Variants in OLFM2 observed in about 807,000 individuals in gnomAD.
The protein encoded by OLFM2 is olfactomedin 2.
In OLFM2, 20 loss-of-function variants were observed where a neutral mutation model predicts 43.9. That is an observed-to-expected ratio of 0.46 (90% CI 0.32 to 0.66). The LOEUF (loss-of-function observed/expected upper bound fraction) is 0.66. OLFM2 is among the 30% of genes least tolerant of loss of function. The pLI, the probability that OLFM2 is intolerant of heterozygous loss-of-function variation, is 0.04. For synonymous variants in OLFM2, 268 were observed against 278.6 expected (o/e 0.96, Z 0.38); for missense variants, 416 against 643.6 (o/e 0.65, Z 3.83).
At chr19:9,917,684 G>A (rs2086393085) in intron 1 of OLFM2, among the ~76,000 whole-genome samples, 1 of 152,056 alleles carries the variant, frequency 6.6e-6, no homozygotes, top group African/African-American at 2.4e-5. Context: ...ATCATCCCAT[G>A]TGGCTTCTCA....
chr19:9,865,845 A>G (rs2046398457), intron 1 of OLFM2, among the ~76,000 whole-genome samples: 1 of 150,876 alleles, frequency 6.6e-6, no homozygotes, highest in East Asian at 1.9e-4. Context: ...ACAAAGAAAA[A>G]CATCAAACAG....
intron 1 of OLFM2, among the ~76,000 whole-genome samples, chr19:9,906,070 C>T (rs981163082): frequency 7.2e-5 from 11 of 152,182 alleles, no homozygotes; most frequent in African/African-American, 2.2e-4. Flanking sequence ...TGCTATGACA[C>T]GCTCTGACAC....
At chr19:9,896,887 TAAG>T (rs1408881860) in intron 1 of OLFM2, among the ~76,000 whole-genome samples, 1 of 152,052 alleles carries the variant, frequency 6.6e-6, no homozygotes, top group Non-Finnish European at 1.5e-5. Context: ...TAAAAGCATA[TAAG>T]AAGTCCTCAA....
chr19:9,922,922 A>G (rs1399437657), intron 1 of OLFM2, among the ~76,000 whole-genome samples: 5 of 151,780 alleles, frequency 3.3e-5, no homozygotes, highest in East Asian at 3.9e-4. Flanking sequence ...AAAAAAAAAA[A>G]AAAGAAAGAA....
chr19:9,866,894 C>T (rs1266146788), intron 1 of OLFM2, among the ~76,000 whole-genome samples: 1 of 152,122 alleles, frequency 6.6e-6, no homozygotes. Flanking sequence ...GTATCTGTTC[C>T]TCAAATGTCT....
At chr19:9,908,495 T>G (rs1344599893) in intron 1 of OLFM2, among the ~76,000 whole-genome samples, 1 of 65,606 alleles carries the variant, frequency 1.5e-5, no homozygotes, top group Admixed American at 2.2e-4. Flanking sequence ...TTTTTTTTTT[T>G]GAGACAGAGT....
At position 9,920,430 on chromosome 19, in the gene OLFM2, G is replaced by A. The variant is rs529156867; in HGVS notation, c.63+15874C>T. Among the ~76,000 whole-genome samples the A allele has an allele frequency of 1.1e-4, 17 of 152,084 alleles. No individual in the cohort carries two copies. The South Asian group carries it at 3.3e-3, about 30-fold the overall frequency. ...CTGGTCCTGGCAATGATGTACCCAC[G>A]GTCAGAAATGAGAGATTATTTACTT... On this transcript the variant is annotated intron_variant, in intron 1 of 5. Coordinates refer to ENST00000264833, the MANE Select transcript of OLFM2 (RefSeq NM_058164.4).
chr19:9,895,601 C>T (rs2046676744), intron 1 of OLFM2, among the ~76,000 whole-genome samples: 2 of 152,070 alleles, frequency 1.3e-5, no homozygotes, highest in Admixed American at 1.3e-4. Flanking sequence ...AGTAACTCTA[C>T]ACATGGGAGC....
At position 9,929,309 on chromosome 19, in the gene OLFM2, T is replaced by C. The variant is rs190367813; in HGVS notation, c.63+6995A>G. 3.6e-4 allele frequency among the ~76,000 whole-genome samples: 54 copies of C among 152,106 alleles called. 1 individual carries two copies. The East Asian group carries it at 7.8e-3, about 22-fold the overall frequency. On this transcript the variant is annotated intron_variant, in intron 1 of 5. Coordinates refer to ENST00000264833, the MANE Select transcript of OLFM2 (RefSeq NM_058164.4). ...AATGAATGCTCTCTAAATGAATACA[T>C]GGGCCGGGCGCGGTGGCTCACACCT...
At chr19:9,882,169 G>A (rs1226484757) in intron 1 of OLFM2, among the ~76,000 whole-genome samples, 3 of 151,304 alleles carry the variant, frequency 2.0e-5, no homozygotes, top group Non-Finnish European at 4.4e-5. Context: ...AGCCCAGGGA[G>A]GTCAAGGCTG....
rs533267369 is a variant in OLFM2 at position 9,926,624 on chromosome 19, A to C, written c.63+9680T>G. Among the ~76,000 whole-genome samples the C allele has an allele frequency of 1.6e-3, 239 of 152,228 alleles. 6 individuals are homozygous for C. In the South Asian group the frequency reaches 0.047, roughly 30 times the overall value. On this transcript the variant is annotated intron_variant, in intron 1 of 5. Coordinates refer to ENST00000264833, the MANE Select transcript of OLFM2 (RefSeq NM_058164.4). ...ATTATGTGTATTTTACCACAATTAA[A>C]AATTTTTAAAGTCTTCCATTTAAAC... is the stretch of plus-strand genomic sequence containing the variant.
At chr19:9,914,847 C>CGCT (rs2046862484) in intron 1 of OLFM2, among the ~76,000 whole-genome samples, 1 of 152,194 alleles carries the variant, frequency 6.6e-6, no homozygotes, top group East Asian at 2.0e-4. Context: ...CGCATCACCT[C>CGCT]GCTCCGCCGC....
intron 1 of OLFM2, among the ~76,000 whole-genome samples, chr19:9,880,379 T>C (rs1324491423): frequency 6.6e-6 from 1 of 152,114 alleles, no homozygotes; most frequent in Admixed American, 6.6e-5. Context: ...CCCAACCTCA[T>C]AAAGCTTCTG....
chr19:9,934,998 G>A (rs898842746), intron 1 of OLFM2, among the ~76,000 whole-genome samples: 3 of 152,198 alleles, frequency 2.0e-5, no homozygotes, highest in Non-Finnish European at 4.4e-5. Context: ...CCATGGAGCG[G>A]ATTATTTAAC....
At chr19:9,910,603 GA>G (rs1438178209) in intron 1 of OLFM2, among the ~76,000 whole-genome samples, 1 of 152,200 alleles carries the variant, frequency 6.6e-6, no homozygotes. Context: ...AAGGATAGAT[GA>G]ATGGATGGAG....
Position 9,857,212 on chromosome 19 carries a change from T to C in OLFM2, c.580+51A>G, listed in dbSNP as rs373780541. On this transcript the variant is annotated intron_variant, in intron 4 of 5. Coordinates refer to ENST00000264833, the MANE Select transcript of OLFM2 (RefSeq NM_058164.4). The surrounding 1 kb of genome is among the most constrained non-coding windows in gnomAD (Gnocchi z 5.7). ...TAGGCACAAACAGGTGATACTGGAG[T>C]TGGGTGTGGCAGTCAGAGATCAGGG... is the stretch of plus-strand genomic sequence containing the variant. 41 of 1,517,636 alleles carry C rather than the reference T, an allele frequency of 2.7e-5. No homozygotes were observed. The highest frequency in any genetic ancestry group is 8.2e-5 in the African/African-American group (6 of 73,036). The allele number at this position is 1,517,636 out of a possible 1,614,324, so 94.0% of individuals were successfully genotyped here.
chr19:9,890,074 G>C (rs888761546), intron 1 of OLFM2, among the ~76,000 whole-genome samples: 2 of 152,108 alleles, frequency 1.3e-5, no homozygotes, highest in Non-Finnish European at 2.9e-5. Flanking sequence ...CGGGTCGGGA[G>C]GACAGGGGTC....
At chr19:9,876,784 G>A (rs1424023242) in intron 1 of OLFM2, among the ~76,000 whole-genome samples, 1 of 152,134 alleles carries the variant, frequency 6.6e-6, no homozygotes, top group Admixed American at 6.6e-5. Context: ...GATGTCATGA[G>A]GTGGTTGTTA....
rs151027601 is a variant in OLFM2, at chr19:9,854,633, G to C, written c.918C>G (p.Gly306=). Residue 306 remains glycine, a synonymous_variant, in exon 6 of 6, where the codon GGC becomes GGG. Transcript: ENST00000264833. This position sits in a 1 kb window ranked among gnomAD's most constrained non-coding sequence, Gnocchi z 9.5. ...RSVLVQRSLP[G]AGYNNTFPYS... is the part of the protein sequence containing the mutation. The stretch of plus-strand genomic sequence containing the variant: ...AGGGGAAGGTGTTGTTGTAACCGGC[G>C]CCCGGGAGGCTCCTCTGCACCAGCA... The C allele has an allele frequency of 1.2e-6, 2 of 1,614,146 alleles. No individual in the cohort carries two copies. The highest frequency in any genetic ancestry group is 2.2e-5 in the South Asian group (2 of 91,086).
Sources: allele counts gnomAD v4.1 joint callset (sites outside exome capture counted in the v4.1 genomes callset), GRCh38; gene constraint gnomAD v4.1.1; non-coding constraint Gnocchi (gnomAD v3.1); transcripts MANE v1.5; gene names NCBI Gene and HGNC (gene_info 2026-07-23, HGNC 2026-07-21).